The following NBAS variants were observed in gnomAD, a reference collection of about 807,000 sequenced individuals.
NBAS encodes the protein NBAS subunit of NRZ tethering complex.
In NBAS, 219 loss-of-function variants were observed where a neutral mutation model predicts 302.5. That is an observed-to-expected ratio of 0.72 (90% confidence interval 0.65 to 0.81). NBAS has a LOEUF of 0.81. NBAS is among the 30% of genes least tolerant of loss of function. The pLI is 0.00. For missense variants in NBAS, 2,932 were observed against 2,841.6 expected (o/e 1.03, Z -0.72); for synonymous variants, 1,118 against 1,021.6 (o/e 1.09, Z -1.80).
chr2:14,855,012 C>A, the NBAS span, among the ~76,000 whole-genome samples: 4 of 152,070 alleles, frequency 2.6e-5, no homozygotes, highest in African/African-American at 9.7e-5. Context: ...AAAAGAGACC[C>A]CTTCCACCTG....
At chr2:15,138,094 A>G in the NBAS span, among the ~76,000 whole-genome samples, 1 of 152,142 alleles carries the variant, frequency 6.6e-6, no homozygotes, top group East Asian at 1.9e-4. Context: ...TCCTGCATAG[A>G]CAGACCTAAC....
At chr2:15,500,502 T>TCTCA (rs1661467553) in intron 11 of NBAS, among the ~76,000 whole-genome samples, 1 of 136,160 alleles carries the variant, frequency 7.3e-6, no homozygotes, top group Non-Finnish European at 1.6e-5. Context: ...TTTAGAAGTC[T>TCTCA]CACACACACA....
intron 48 of NBAS, among the ~76,000 whole-genome samples, chr2:15,216,638 T>C (rs965745207): frequency 1.3e-5 from 2 of 152,224 alleles, no homozygotes; most frequent in Admixed American, 6.5e-5. Flanking sequence ...AACTTGTTTC[T>C]TGAGTAATTA....
the NBAS span, among the ~76,000 whole-genome samples, chr2:15,048,317 A>T: frequency 6.6e-6 from 1 of 151,862 alleles, no homozygotes; most frequent in South Asian, 2.1e-4. Context: ...TGCAAAGTCC[A>T]ATGTGCAGGG....
chr2:15,186,865 T>A lies in NBAS; in HGVS notation c.6588A>T (p.Pro2196=). 1 of 1,613,932 alleles carries A rather than the reference T, an allele frequency of 6.2e-7. No homozygotes were observed. Among genetic ancestry groups the A allele is most frequent in the Non-Finnish European group, 8.5e-7 (1 of 1,179,922 alleles). ...GCATCACTGTAGCTAGTCTCACCCA[T>A]GGATTATTGGTTATGCTGGTGTTTA... ...MKSEYVITNN[P]WVRLATVMLT... The change falls in exon 50 of 52, where the codon CCA becomes CCT. Residue 2196 remains proline, a synonymous_variant. Coordinates refer to ENST00000281513, the MANE Select transcript of NBAS (RefSeq NM_015909.4).
At chr2:15,346,002 TAA>T (rs1249843391) in intron 35 of NBAS, among the ~76,000 whole-genome samples, 3 of 152,040 alleles carry the variant, frequency 2.0e-5, no homozygotes, top group Non-Finnish European at 4.4e-5. Context: ...TACAAAAAAT[TAA>T]GTCAAGATGG....
At chr2:14,835,238 A>C in the NBAS span, among the ~76,000 whole-genome samples, 15 of 152,106 alleles carry the variant, frequency 9.9e-5, no homozygotes, top group African/African-American at 3.6e-4. Flanking sequence ...TATCAGTAGA[A>C]GTGTCCATTA....
At chr2:15,146,085 A>G in the NBAS span, among the ~76,000 whole-genome samples, 1 of 152,114 alleles carries the variant, frequency 6.6e-6, no homozygotes, top group African/African-American at 2.4e-5. Context: ...ACAGAAAGCA[A>G]TGGTTAAGAT....
At chr2:15,033,081 G>A in the NBAS span, among the ~76,000 whole-genome samples, 71 of 152,344 alleles carry the variant, frequency 4.7e-4, 1 homozygote, top group South Asian at 0.014. Flanking sequence ...TCTGGGGAAA[G>A]GACCACCACC....
chr2:15,473,495 A>ATTTTTTTTTTTTTTTTTTTT, intron 15 of NBAS, 148 bp from the exon 16 acceptor site: 1 of 1,018,322 alleles, frequency 9.8e-7, no homozygotes, highest in South Asian at 1.4e-5. Context: ...GCTCACAGAT[A>ATTTTTTTTTTTTTTTTTTTT]TTTTGAGGAG....
chr2:14,871,111 GAA>G, the NBAS span, among the ~76,000 whole-genome samples: 1 of 150,580 alleles, frequency 6.6e-6, no homozygotes, highest in African/African-American at 2.4e-5. Flanking sequence ...CACACAGAAG[GAA>G]AAAAAGATTG....
chr2:15,022,925 T>C, the NBAS span, among the ~76,000 whole-genome samples: 1 of 152,116 alleles, frequency 6.6e-6, no homozygotes, highest in Non-Finnish European at 1.5e-5. Flanking sequence ...ATGTATACTT[T>C]TCCTATTTAG....
chr2:15,128,089 C>T, the NBAS span, among the ~76,000 whole-genome samples: 1 of 152,130 alleles, frequency 6.6e-6, no homozygotes, highest in Admixed American at 6.6e-5. Flanking sequence ...AGCAGCATCC[C>T]TGGAGGAAAC....
intron 38 of NBAS, among the ~76,000 whole-genome samples, chr2:15,324,910 C>G (rs1300878725): frequency 6.6e-6 from 1 of 152,172 alleles, no homozygotes; most frequent in African/African-American, 2.4e-5. Context: ...ACAAAGATGG[C>G]TGAGCACTGT....
intron 40 of NBAS, among the ~76,000 whole-genome samples, chr2:15,294,816 C>T (rs1670471292): frequency 6.6e-6 from 1 of 152,196 alleles, no homozygotes; most frequent in Non-Finnish European, 1.5e-5. Flanking sequence ...TTACACCCCA[C>T]AACCAAATCT....
At chr2:15,312,548 A>C (rs1260295590) in intron 38 of NBAS, among the ~76,000 whole-genome samples, 1 of 152,142 alleles carries the variant, frequency 6.6e-6, no homozygotes, top group Admixed American at 6.6e-5. Flanking sequence ...AAGTGCTGGT[A>C]TTACAGGCAT....
chr2:15,109,546 G>A, the NBAS span, among the ~76,000 whole-genome samples: 2 of 152,124 alleles, frequency 1.3e-5, no homozygotes. Context: ...TAGACTGGGA[G>A]GTTTAAACAA....
intron 9 of NBAS, among the ~76,000 whole-genome samples, chr2:15,530,904 T>G (rs1388130957): frequency 6.6e-6 from 1 of 151,594 alleles, no homozygotes; most frequent in Non-Finnish European, 1.5e-5. Flanking sequence ...AAAGAAAATC[T>G]TAGATCTCAG....
chr2:15,060,194 T>C, the NBAS span, among the ~76,000 whole-genome samples: 2 of 152,136 alleles, frequency 1.3e-5, no homozygotes, highest in Non-Finnish European at 2.9e-5. Flanking sequence ...AAGCTCACTT[T>C]GGAAAAGCAT....
Sources: allele counts gnomAD v4.1 joint callset (sites outside exome capture counted in the v4.1 genomes callset), GRCh38; gene constraint gnomAD v4.1.1; transcripts MANE v1.5; gene names NCBI Gene and HGNC (gene_info 2026-07-23, HGNC 2026-07-21).